ITK: variants seen among roughly 807,000 people sequenced by gnomAD.
ITK encodes the protein IL2 inducible T cell kinase.
Under a neutral mutation model 87.6 loss-of-function variants are expected in ITK, and 45 were observed. The ratio of observed to expected loss-of-function variants is 0.51; its 90% CI spans 0.40 to 0.66. The LOEUF is 0.66. Ranked by LOEUF, ITK falls within the 30% of genes least tolerant of loss-of-function variation. The probability of loss-of-function intolerance (pLI) is 0.00; values close to 1 mark genes in which losing one functional copy is unlikely to be tolerated. For missense variants in ITK, 605 were observed against 766.3 expected, an observed-to-expected ratio of 0.79 and a Z score of 2.48; for synonymous variants, 303 against 273.6, an observed-to-expected ratio of 1.11 and a Z score of -1.06.
chr5:157,242,960 C>T (rs1375508245), intron 11 of ITK, among the ~76,000 whole-genome samples: 1 of 152,204 alleles, frequency 6.6e-6, no homozygotes, highest in Admixed American at 6.5e-5. Flanking sequence ...CCAGACCAAG[C>T]ACTGGGGAAA....
At chr5:157,240,865 C>T (rs1754878369) in intron 10 of ITK, 1 of 152,858 alleles carries the variant, frequency 6.5e-6, no homozygotes, top group South Asian at 2.1e-4. Context: ...AACACCACCT[C>T]CCATCCCACC....
intron 2 of ITK, 54 bp from the exon 3 acceptor site, chr5:157,211,233 G>A: frequency 1.4e-6 from 2 of 1,469,978 alleles, no homozygotes; most frequent in Admixed American, 3.3e-5. Context: ...TCTGCTGTCA[G>A]TCAACTATCT....
chr5:157,211,612 AT>A, intron 3 of ITK: 1 of 531,924 alleles, frequency 1.9e-6, no homozygotes, highest in South Asian at 2.1e-5. Flanking sequence ...TATATAACTC[AT>A]TTCAAATAGT....
chr5:157,230,417 C>T (rs1257578355), intron 7 of ITK, among the ~76,000 whole-genome samples: 2 of 152,120 alleles, frequency 1.3e-5, no homozygotes, highest in South Asian at 2.1e-4. Context: ...CACCTATTAA[C>T]GCATTAGGGT....
chr5:157,235,325 T>C (rs531812310), intron 8 of ITK, among the ~76,000 whole-genome samples: 39 of 152,358 alleles, frequency 2.6e-4, no homozygotes, highest in Admixed American at 1.8e-3. Context: ...CATCTCCTAA[T>C]GTGCCATATC....
chr5:157,236,104 TG>T (rs1183239533), intron 8 of ITK, among the ~76,000 whole-genome samples: 1 of 152,182 alleles, frequency 6.6e-6, no homozygotes, highest in Non-Finnish European at 1.5e-5. Context: ...CCAGGCACGG[TG>T]GCTCATGCTT....
At chr5:157,234,611 T>C (rs1754739927) in intron 8 of ITK, among the ~76,000 whole-genome samples, 1 of 152,254 alleles carries the variant, frequency 6.6e-6, no homozygotes, top group African/African-American at 2.4e-5. Context: ...GATGAGTTCA[T>C]GTCCTTTGCA....
At chr5:157,248,818 A>G (rs774611213) in intron 15 of ITK, 32 bp from the exon 16 acceptor site, 4 of 1,613,750 alleles carry the variant, frequency 2.5e-6, no homozygotes, top group Non-Finnish European at 3.4e-6. Flanking sequence ...GGGCTTTGTC[A>G]TTCACTGTGC....
chr5:157,188,888 C>A (rs1233684245), intron 1 of ITK, among the ~76,000 whole-genome samples: 2 of 152,166 alleles, frequency 1.3e-5, no homozygotes, highest in African/African-American at 4.8e-5. Context: ...GTCTGTCCAT[C>A]TAATGGAAGG....
intron 1 of ITK, chr5:157,199,566 T>C (rs1274047464): frequency 6.6e-6 from 1 of 152,188 alleles, no homozygotes; most frequent in Non-Finnish European, 1.5e-5. Context: ...GTTCAGGGAA[T>C]GATAGTCTTC....
At chr5:157,205,618 A>G (rs1754062608) in intron 1 of ITK, among the ~76,000 whole-genome samples, 1 of 152,204 alleles carries the variant, frequency 6.6e-6, no homozygotes, top group Admixed American at 6.5e-5. Flanking sequence ...ACCCAAGTAT[A>G]CTAAGGACAG....
chr5:157,205,755 C>G (rs555492906), intron 1 of ITK, among the ~76,000 whole-genome samples: 2 of 152,194 alleles, frequency 1.3e-5, no homozygotes, highest in East Asian at 3.9e-4. Flanking sequence ...ATAGATGGCT[C>G]TTATTATTTT....
At chr5:157,227,357 G>GT (rs1482364526) in intron 6 of ITK, among the ~76,000 whole-genome samples, 2 of 152,128 alleles carry the variant, frequency 1.3e-5, no homozygotes, top group African/African-American at 4.8e-5. Context: ...TGTTTATTAT[G>GT]TTTTTTGTTT....
In ITK at chr5:157,214,264, T is replaced by C. The variant is rs1032262309; in HGVS notation, c.399T>C (p.Cys133=). Residue 133 remains cysteine, a synonymous_variant, in exon 4 of 17, where the codon TGT becomes TGC. Transcript: ENST00000422843. ...GGATGGATGGGAAGTGGAGGTGCTG[T>C]TCTCAGCTGGAGAAGCTTGCAACAG... ...NFWMDGKWRC[C]SQLEKLATGC... 33 of 1,611,690 alleles carry C rather than the reference T, an allele frequency of 2.0e-5. No homozygotes were observed. The highest frequency in any genetic ancestry group is 2.8e-5 in the Non-Finnish European group (33 of 1,177,844).
intron 1 of ITK, among the ~76,000 whole-genome samples, chr5:157,198,436 A>G (rs1434155164): frequency 6.6e-6 from 1 of 152,306 alleles, no homozygotes; most frequent in East Asian, 1.9e-4. Context: ...ACATCCAGCC[A>G]CATGGTAACC....
chr5:157,214,456 T>G lies in ITK; in HGVS notation c.454+137T>G. Reference sequence around the variant, plus strand: ...TCAGAATTTTCCAAGAGGAATCATCTGTCTTTCCTACCAGCCTGTTGGTGC... The same window carrying G: ...TCAGAATTTTCCAAGAGGAATCATCGGTCTTTCCTACCAGCCTGTTGGTGC... On this transcript the variant is annotated intron_variant, in intron 4 of 16. Transcript: ENST00000422843. The G allele has an allele frequency of 1.2e-5, 9 of 752,038 alleles. No individual in the cohort carries two copies. The South Asian group carries it at 1.4e-4, about 11-fold the overall frequency. The allele number at this position is 752,038 out of a possible 1,614,324, so 46.6% of individuals were successfully genotyped here. A position where few individuals can be genotyped will look rare whatever the true frequency, so the allele number is the denominator to read the frequency against.
intron 1 of ITK, among the ~76,000 whole-genome samples, chr5:157,206,568 G>A (rs533473191): frequency 6.6e-6 from 1 of 152,134 alleles, no homozygotes; most frequent in Non-Finnish European, 1.5e-5. Flanking sequence ...TTGGGAGTTT[G>A]TTATGGATTT....
intron 1 of ITK, among the ~76,000 whole-genome samples, chr5:157,201,168 C>G (rs966940105): frequency 3.3e-5 from 5 of 151,998 alleles, no homozygotes; most frequent in African/African-American, 1.2e-4. Context: ...ATAAAACCCC[C>G]AGTACACTAA....
rs34099004 is a variant in ITK at position 157,243,990 on chromosome 5, C to T, written c.1232+196C>T. On this transcript the variant is annotated intron_variant, in intron 12 of 16. Coordinates refer to ENST00000422843, the MANE Select transcript of ITK (RefSeq NM_005546.4). Reference sequence around the variant, plus strand: ...CACCATAATCTGATCATGCCCACCTCCCCCTTCTCAGCTCCTACCCATCTC... The same window carrying T: ...CACCATAATCTGATCATGCCCACCTTCCCCTTCTCAGCTCCTACCCATCTC... 0.16 allele frequency: 111,022 copies of T among 680,382 alleles called. 10,494 individuals carry two copies. The highest frequency in any genetic ancestry group is 0.25 in the Admixed American group (11,554 of 47,048). The allele number at this position is 680,382 out of a possible 1,614,324, so 42.1% of individuals were successfully genotyped here.
Sources: allele counts gnomAD v4.1 joint callset (sites outside exome capture counted in the v4.1 genomes callset), GRCh38; gene constraint gnomAD v4.1.1; transcripts MANE v1.5; gene names NCBI Gene and HGNC (gene_info 2026-07-23, HGNC 2026-07-21).